The following GSS variants were observed in gnomAD, a reference collection of about 807,000 sequenced individuals.
GSS encodes the protein GSH synthetase.
A neutral mutation model predicts 60.4 loss-of-function variants in GSS; 34 were observed. The ratio of observed to expected loss-of-function variants is 0.56; its 90% CI spans 0.43 to 0.75. The LOEUF is 0.75. Among genes scored for constraint, GSS ranks in the 30% least tolerant of loss-of-function variants. GSS has a pLI of 0.00. For missense variants in GSS, 499 were observed against 595.1 expected, an observed-to-expected ratio of 0.84 and a Z score of 1.68; for synonymous variants, 224 against 239.0, an observed-to-expected ratio of 0.94 and a Z score of 0.58.
intron 11 of GSS, among the ~76,000 whole-genome samples, chr20:34,930,801 T>C (rs1489531686): frequency 1.3e-5 from 2 of 152,122 alleles, no homozygotes; most frequent in Non-Finnish European, 2.9e-5. Context: ...CCAGCCTAAA[T>C]CCCTGTCCCC....
intron 6 of GSS, among the ~76,000 whole-genome samples, chr20:34,940,866 T>C (rs1045497366): frequency 6.6e-6 from 1 of 152,220 alleles, no homozygotes; most frequent in Non-Finnish European, 1.5e-5. Context: ...AGTCAAAGCT[T>C]ATGCATTTAC....
intron 1 of GSS, chr20:34,952,192 C>A (rs1161211191): frequency 5.2e-6 from 2 of 383,594 alleles, no homozygotes; most frequent in East Asian, 1.2e-4. Flanking sequence ...GAACCCATGT[C>A]TCTGGACTCC....
At chr20:34,943,796 G>A (rs1466824584) in intron 3 of GSS, among the ~76,000 whole-genome samples, 1 of 152,168 alleles carries the variant, frequency 6.6e-6, no homozygotes, top group Non-Finnish European at 1.5e-5. Flanking sequence ...TGAAGGTAAT[G>A]GCTGTGTCTA....
chr20:34,946,880 A>G (rs1414718237), intron 2 of GSS, among the ~76,000 whole-genome samples: 1 of 152,206 alleles, frequency 6.6e-6, no homozygotes, highest in Non-Finnish European at 1.5e-5. Context: ...CCCAAATACC[A>G]TCAAGGACAC....
At chr20:34,945,020 T>A (rs2081509647) in intron 3 of GSS, among the ~76,000 whole-genome samples, 1 of 151,632 alleles carries the variant, frequency 6.6e-6, no homozygotes, top group Admixed American at 6.6e-5. Flanking sequence ...TATATATGTA[T>A]TATTATTTCT....
chr20:34,944,123 G>A (rs2081504182), intron 3 of GSS, among the ~76,000 whole-genome samples: 1 of 152,208 alleles, frequency 6.6e-6, no homozygotes, highest in Non-Finnish European at 1.5e-5. Flanking sequence ...CCTTGGTTAG[G>A]AGGAGAGTCC....
chr20:34,951,325 G>A lies in GSS; in HGVS notation c.129+399C>T, dbSNP rs1049095435. Among the ~76,000 whole-genome samples, 9 of 152,180 alleles carry A rather than the reference G, an allele frequency of 5.9e-5. No individual in the cohort carries two copies. The South Asian group carries it at 1.9e-3, about 32-fold the overall frequency. On this transcript the variant is annotated intron_variant, in intron 2 of 12. Coordinates refer to ENST00000651619, the MANE Select transcript of GSS (RefSeq NM_000178.4). ...TATGTATATAAATGCACAGAGAAAG[G>A]CTTGAAAGCATATATCACAAACCAG...
intron 6 of GSS, among the ~76,000 whole-genome samples, chr20:34,940,964 G>T (rs576742687): frequency 1.3e-5 from 2 of 152,162 alleles, no homozygotes; most frequent in Non-Finnish European, 2.9e-5. Flanking sequence ...CAGAAGGGAG[G>T]CATGGGCATG....
intron 5 of GSS, among the ~76,000 whole-genome samples, chr20:34,942,207 C>G (rs1246630358): frequency 2.6e-5 from 4 of 152,294 alleles, no homozygotes; most frequent in African/African-American, 7.2e-5. Context: ...AGCCCCCAGA[C>G]AGAAGTCCCT....
chr20:34,930,362 G>A (rs541883247), intron 11 of GSS, among the ~76,000 whole-genome samples: 4 of 151,958 alleles, frequency 2.6e-5, no homozygotes, highest in Admixed American at 2.0e-4. Flanking sequence ...ACTTGTCCAA[G>A]CAGAACTTAT....
intron 12 of GSS, 183 bp downstream of exon 12, chr20:34,929,218 G>T: frequency 1.4e-6 from 1 of 710,506 alleles, no homozygotes; most frequent in Non-Finnish European, 2.5e-6. Flanking sequence ...GGTAAGGTGG[G>T]CAGGTCTTGG....
intron 1 of GSS, among the ~76,000 whole-genome samples, chr20:34,953,311 A>G (rs919065220): frequency 6.6e-6 from 1 of 152,244 alleles, no homozygotes. Context: ...CCCATGACAG[A>G]GCCAGTGCCA....
In GSS at chr20:34,928,682, G is replaced by C. The variant is rs2081371129; in HGVS notation, c.*146C>G. 1 of 890,906 alleles carries C rather than the reference G, an allele frequency of 1.1e-6. No individual in the cohort carries two copies. The highest frequency in any genetic ancestry group is 2.6e-5 in the East Asian group (1 of 37,934). 55.2% of individuals were successfully genotyped at this position (890,906 alleles called of 1,614,324 possible). A position where few individuals can be genotyped will look rare whatever the true frequency, so the allele number is the denominator to read the frequency against. ...CATCTAAGGGAGACACAACTTTTCT[G>C]GTCCTCAGATGGAAAGCTGGGGGAA... On this transcript the variant is annotated 3_prime_UTR_variant, in exon 13 of 13. Coordinates refer to ENST00000651619, the MANE Select transcript of GSS (RefSeq NM_000178.4).
rs868130563 is a variant in GSS, at chr20:34,935,580, A to G, written c.830T>C (p.Leu277Pro). 1 of 1,609,952 alleles carries G rather than the reference A, an allele frequency of 6.2e-7. No homozygotes were observed. Among genetic ancestry groups the G allele is most frequent in the African/African-American group, 1.3e-5 (1 of 74,978 alleles). ...GGTCTCACAGAAAATACCAACCTGT[A>G]GACTGTACTGACGAGGCATGTAGCC... The part of the protein sequence containing the change: ...RDGYMPRQYS[L>P]QNWEARLLLE... Residue 277 changes from leucine (L) to proline (P), a missense_variant, in exon 9 of 13, where the codon CTA becomes CCA. Leu to Pro is a moderately conservative substitution (Grantham distance 98). Transcript: ENST00000651619.
rs1214801237 is a variant in GSS at position 34,936,857 on chromosome 20, A to G, written c.690-17T>C. 3 of 1,613,082 alleles carry G rather than the reference A, an allele frequency of 1.9e-6. No individual in the cohort carries two copies. Among genetic ancestry groups the G allele is most frequent in the Non-Finnish European group, 2.5e-6 (3 of 1,179,118 alleles). On this transcript the variant is annotated splice_polypyrimidine_tract_variant and intron_variant, in intron 7 of 12. Transcript: ENST00000651619. ...TGGATGTTCCTGGGAAAAATGGGCA[A>G]GAGCCAGAGGGAATGGATGCTATGT...
intron 3 of GSS, among the ~76,000 whole-genome samples, chr20:34,945,488 A>G (rs1418528304): frequency 6.6e-6 from 1 of 151,902 alleles, no homozygotes; most frequent in Non-Finnish European, 1.5e-5. Context: ...TCTGTACCCC[A>G]TCCCATCCAA....
intron 5 of GSS, 150 bp downstream of exon 5, chr20:34,942,338 G>C (rs1031331455): frequency 1.5e-6 from 1 of 688,490 alleles, no homozygotes; most frequent in South Asian, 1.8e-5. Flanking sequence ...CATTACAAGT[G>C]GAAACTGCTG....
At position 34,935,587 on chromosome 20, in the gene GSS, A is replaced by G. The variant is rs1193273971; in HGVS notation, c.823T>C (p.Tyr275His). Residue 275 changes from tyrosine to histidine, a missense_variant, in exon 9 of 13, where the codon TAC becomes CAC. Tyr to His is a moderately conservative substitution (Grantham distance 83). Transcript: ENST00000651619. ...CAGAAAATACCAACCTGTAGACTGT[A>G]CTGACGAGGCATGTAGCCATCCCGG... ...YFRDGYMPRQ[Y>H]SLQNWEARLL... 1.2e-6 allele frequency: 2 copies of G among 1,611,668 alleles called. No individual in the cohort carries two copies. Among genetic ancestry groups the G allele is most frequent in the African/African-American group, 2.7e-5 (2 of 74,874 alleles).
At chr20:34,931,618 T>C in intron 10 of GSS, 1 of 658,786 alleles carries the variant, frequency 1.5e-6, no homozygotes, top group Non-Finnish European at 2.7e-6. Context: ...AACAGGCCTT[T>C]CTTTAGCAAC....
Sources: gnomAD v4.1 joint callset for allele counts (sites outside exome capture counted in the v4.1 genomes callset) on GRCh38, gnomAD v4.1.1 for gene constraint, MANE v1.5 for transcripts, NCBI Gene and HGNC (gene_info 2026-07-23, HGNC 2026-07-21) for gene names.